MTUS2: variants seen among roughly 807,000 people sequenced by gnomAD.
The protein encoded by MTUS2 is microtubule associated scaffold protein 2.
MTUS2 carries 40 observed loss-of-function variants against 114.1 expected under a neutral mutation model. The ratio of observed to expected loss-of-function variants is 0.35; its 90% confidence interval spans 0.27 to 0.46. MTUS2 has a LOEUF of 0.46. Among genes scored for constraint, MTUS2 ranks in the 20% least tolerant of loss-of-function variants. The pLI is 1.00. For synonymous variants in MTUS2, 688 were observed against 672.0 expected (o/e 1.02, Z -0.37); for missense variants, 1,679 against 1,705.4 (o/e 0.98, Z 0.27).
At chr13:29,242,874 A>T (rs532099696) in intron 5 of MTUS2, among the ~76,000 whole-genome samples, 1 of 152,182 alleles carries the variant, frequency 6.6e-6, no homozygotes, top group South Asian at 2.1e-4. Flanking sequence ...ACCATTTGTC[A>T]TCTTTTATAG....
chr13:29,426,339 G>A (rs550742120), intron 8 of MTUS2, among the ~76,000 whole-genome samples: 6 of 152,174 alleles, frequency 3.9e-5, no homozygotes, highest in African/African-American at 9.7e-5. Context: ...TTCAGTTTAC[G>A]AGGGATTTAT....
chr13:28,918,303 G>T (rs1880857624), intron 2 of MTUS2, among the ~76,000 whole-genome samples: 1 of 151,894 alleles, frequency 6.6e-6, no homozygotes, highest in Admixed American at 6.6e-5. Flanking sequence ...TTGTATTGAG[G>T]TCTATCTCAA....
At chr13:29,252,269 C>T (rs1897147399) in intron 5 of MTUS2, among the ~76,000 whole-genome samples, 2 of 152,096 alleles carry the variant, frequency 1.3e-5, no homozygotes, top group Admixed American at 1.3e-4. Context: ...AGTCATGGCT[C>T]CTAGTTAGAC....
chr13:29,006,085 G>A (rs781589651), intron 2 of MTUS2, among the ~76,000 whole-genome samples: 1 of 152,150 alleles, frequency 6.6e-6, no homozygotes, highest in African/African-American at 2.4e-5. Flanking sequence ...TGTATGGAGG[G>A]GCTGTGCAAG....
chr13:29,367,542 C>G (rs1488521998), intron 8 of MTUS2, among the ~76,000 whole-genome samples: 1 of 152,068 alleles, frequency 6.6e-6, no homozygotes, highest in African/African-American at 2.4e-5. Flanking sequence ...CAAGAAAACC[C>G]CAGGTAGGGA....
chr13:28,907,801 A>G (rs923054317), intron 2 of MTUS2, among the ~76,000 whole-genome samples: 2 of 151,520 alleles, frequency 1.3e-5, no homozygotes, highest in Admixed American at 6.6e-5. Flanking sequence ...CACAATAATA[A>G]TGGGAGACTT....
chr13:29,184,397 C>G (rs749674072), intron 5 of MTUS2, among the ~76,000 whole-genome samples: 40 of 152,106 alleles, frequency 2.6e-4, no homozygotes, highest in Non-Finnish European at 1.0e-4. Context: ...TCCTAGAAAT[C>G]TAAAGACCAT....
chr13:29,093,030 G>A (rs897684513), intron 4 of MTUS2, among the ~76,000 whole-genome samples: 6 of 152,132 alleles, frequency 3.9e-5, no homozygotes, highest in Non-Finnish European at 5.9e-5. Context: ...CCACTTCCTA[G>A]CATCAAAAGA....
At chr13:29,099,975 A>G (rs1331372073) in intron 4 of MTUS2, among the ~76,000 whole-genome samples, 1 of 152,226 alleles carries the variant, frequency 6.6e-6, no homozygotes, top group Non-Finnish European at 1.5e-5. Context: ...AAACAAGCTG[A>G]CTTTGCACAT....
chr13:28,896,189 G>A (rs982897971), intron 2 of MTUS2, among the ~76,000 whole-genome samples: 1 of 152,194 alleles, frequency 6.6e-6, no homozygotes, highest in Admixed American at 6.5e-5. Flanking sequence ...GATTCCAACA[G>A]CAGTGATGAA....
intron 8 of MTUS2, among the ~76,000 whole-genome samples, chr13:29,390,100 CAT>C (rs1220399618): frequency 2.7e-5 from 3 of 109,584 alleles, no homozygotes; most frequent in South Asian, 3.2e-4. Flanking sequence ...TACACATACA[CAT>C]ATATATACAC....
intron 13 of MTUS2, 67 bp from the exon 14 acceptor site, chr13:29,498,351 G>C: frequency 6.3e-7 from 1 of 1,596,820 alleles, no homozygotes. Flanking sequence ...CTGGATTCGT[G>C]ACATTGGTTA....
chr13:29,088,024 A>G (rs995972988), intron 4 of MTUS2, among the ~76,000 whole-genome samples: 2 of 147,342 alleles, frequency 1.4e-5, no homozygotes, highest in Non-Finnish European at 3.0e-5. Context: ...ATGCCACTGC[A>G]CTCCAGCCTG....
At chr13:29,491,074 AGT>A (rs1049794738) in intron 11 of MTUS2, among the ~76,000 whole-genome samples, 6 of 135,756 alleles carry the variant, frequency 4.4e-5, no homozygotes, top group South Asian at 2.4e-4. Flanking sequence ...GGGATGTGGG[AGT>A]GTGTGTGTGG....
intron 8 of MTUS2, among the ~76,000 whole-genome samples, chr13:29,411,955 G>C (rs530601442): frequency 6.6e-6 from 1 of 152,278 alleles, no homozygotes; most frequent in South Asian, 2.1e-4. Flanking sequence ...TTATTGTACT[G>C]TGTGAGTCAG....
At chr13:29,255,214 C>G (rs1897254074) in intron 5 of MTUS2, among the ~76,000 whole-genome samples, 1 of 152,150 alleles carries the variant, frequency 6.6e-6, no homozygotes, top group Non-Finnish European at 1.5e-5. Context: ...CTCTCGTGTT[C>G]TGAGCAGAGC....
chr13:28,903,394 C>A (rs1382805188), intron 2 of MTUS2, among the ~76,000 whole-genome samples: 1 of 145,706 alleles, frequency 6.9e-6, no homozygotes, highest in African/African-American at 2.5e-5. Flanking sequence ...GGTATATCTC[C>A]TAATGCTATC....
chr13:29,029,735 G>T (rs1217587215), intron 3 of MTUS2, among the ~76,000 whole-genome samples: 1 of 152,214 alleles, frequency 6.6e-6, no homozygotes, highest in Non-Finnish European at 1.5e-5. Flanking sequence ...GGGGAACCAC[G>T]TGTGCATTGA....
At chr13:29,471,741 A>AGCCCCC (rs1555283275) in intron 9 of MTUS2, among the ~76,000 whole-genome samples, 1 of 120,876 alleles carries the variant, frequency 8.3e-6, no homozygotes, top group African/African-American at 3.2e-5. Context: ...CTGCAGGCCC[A>AGCCCCC]GCCCCCCCCG....
Sources: allele counts gnomAD v4.1 joint callset (sites outside exome capture counted in the v4.1 genomes callset), GRCh38; gene constraint gnomAD v4.1.1; transcripts MANE v1.5; gene names NCBI Gene and HGNC (gene_info 2026-07-23, HGNC 2026-07-21).